SLC24A2: variants seen among roughly 807,000 people sequenced by gnomAD.
SLC24A2 encodes the protein solute carrier family 24 member 2.
In SLC24A2, 36 loss-of-function variants were observed where a neutral mutation model predicts 62.0. That is an observed-to-expected ratio of 0.58 (90% CI 0.44 to 0.77). The LOEUF is 0.77. Ranked by LOEUF, SLC24A2 falls within the 30% of genes least tolerant of loss-of-function variation. The probability of loss-of-function intolerance (pLI) is 0.00; values close to 1 mark genes in which losing one functional copy is unlikely to be tolerated. For missense variants in SLC24A2, 846 were observed against 817.9 expected, an observed-to-expected ratio of 1.03 and a Z score of -0.42; for synonymous variants, 358 against 294.0, an observed-to-expected ratio of 1.22 and a Z score of -2.23.
the SLC24A2 span, among the ~76,000 whole-genome samples, chr9:20,109,061 A>G: frequency 6.6e-6 from 1 of 152,112 alleles, no homozygotes; most frequent in Non-Finnish European, 1.5e-5. Flanking sequence ...TTCAATATTC[A>G]CTACAGTAAC....
At chr9:19,673,144 T>C (rs1819465123) in intron 2 of SLC24A2, among the ~76,000 whole-genome samples, 1 of 146,550 alleles carries the variant, frequency 6.8e-6, no homozygotes, top group Admixed American at 6.7e-5. Flanking sequence ...ATTGAAGTCC[T>C]CCAATATTAA....
intron 2 of SLC24A2, among the ~76,000 whole-genome samples, chr9:19,688,388 G>T (rs556830172): frequency 6.6e-6 from 1 of 152,170 alleles, no homozygotes; most frequent in Non-Finnish European, 1.5e-5. Flanking sequence ...AAATGGTGCC[G>T]ATAGAAAGCT....
the SLC24A2 span, among the ~76,000 whole-genome samples, chr9:19,855,379 T>A: frequency 5.3e-5 from 8 of 152,210 alleles, 1 homozygote; most frequent in African/African-American, 1.9e-4. Context: ...AGTTGCTTCA[T>A]AGTGTCATTG....
the SLC24A2 span, among the ~76,000 whole-genome samples, chr9:20,206,164 C>G: frequency 6.6e-6 from 1 of 152,152 alleles, no homozygotes. Flanking sequence ...TTTTAAGAAA[C>G]TACCACTTGT....
chr9:19,649,233 C>T (rs1818731564), intron 2 of SLC24A2, among the ~76,000 whole-genome samples: 1 of 152,042 alleles, frequency 6.6e-6, no homozygotes, highest in African/African-American at 2.4e-5. Context: ...ACTTTGTACC[C>T]TTGAGATGAC....
intron 2 of SLC24A2, among the ~76,000 whole-genome samples, chr9:19,687,230 C>G (rs189788284): frequency 1.1e-3 from 163 of 152,202 alleles, no homozygotes; most frequent in Non-Finnish European, 1.8e-3. Context: ...ACCCATGACA[C>G]ACAATTTATG....
At chr9:19,542,079 G>C (rs1003496681) in intron 8 of SLC24A2, among the ~76,000 whole-genome samples, 3 of 152,074 alleles carry the variant, frequency 2.0e-5, no homozygotes, top group Non-Finnish European at 1.5e-5. Flanking sequence ...CACGGTGCAC[G>C]CACACACTGG....
At chr9:20,165,342 A>G in the SLC24A2 span, among the ~76,000 whole-genome samples, 5 of 151,874 alleles carry the variant, frequency 3.3e-5, no homozygotes, top group Non-Finnish European at 7.4e-5. Context: ...AAACATATAA[A>G]ATAGCTAGGA....
chr9:19,928,089 G>A, the SLC24A2 span: 1 of 152,304 alleles, frequency 6.6e-6, no homozygotes, highest in East Asian at 1.9e-4. Context: ...TTCATCCTGG[G>A]GTCTCCTAGG....
chr9:20,154,985 G>A, the SLC24A2 span, among the ~76,000 whole-genome samples: 24 of 151,752 alleles, frequency 1.6e-4, no homozygotes, highest in East Asian at 4.1e-3. Flanking sequence ...GAGATTTCCT[G>A]TAAGTTCCTT....
chr9:19,950,221 G>T, the SLC24A2 span, among the ~76,000 whole-genome samples: 1 of 152,088 alleles, frequency 6.6e-6, no homozygotes, highest in African/African-American at 2.4e-5. Context: ...TCCTTATAGG[G>T]TTGTTGTAAG....
At chr9:20,117,545 A>G in the SLC24A2 span, among the ~76,000 whole-genome samples, 1 of 152,132 alleles carries the variant, frequency 6.6e-6, no homozygotes, top group African/African-American at 2.4e-5. Context: ...TCTAATATAA[A>G]TGCTTTTAAA....
chr9:20,077,475 G>A, the SLC24A2 span, among the ~76,000 whole-genome samples: 1 of 152,004 alleles, frequency 6.6e-6, no homozygotes, highest in Non-Finnish European at 1.5e-5. Flanking sequence ...GAATTCCAGA[G>A]GCAGTTGTGT....
chr9:20,266,612 A>T, the SLC24A2 span, among the ~76,000 whole-genome samples: 10 of 152,196 alleles, frequency 6.6e-5, no homozygotes, highest in African/African-American at 2.4e-4. Flanking sequence ...GGACACACAA[A>T]ATTATAAACA....
chr9:20,096,184 A>G, the SLC24A2 span, among the ~76,000 whole-genome samples: 7 of 152,188 alleles, frequency 4.6e-5, no homozygotes, highest in African/African-American at 1.4e-4. Flanking sequence ...TTTTAAGAGT[A>G]TAATAGCATT....
chr9:19,800,734 C>T, the SLC24A2 span, among the ~76,000 whole-genome samples: 39 of 152,038 alleles, frequency 2.6e-4, no homozygotes, highest in Admixed American at 2.6e-3. Flanking sequence ...CCCCTATTAC[C>T]CTATTGTTGT....
the SLC24A2 span, among the ~76,000 whole-genome samples, chr9:20,075,792 GC>G: frequency 6.6e-6 from 1 of 152,078 alleles, no homozygotes; most frequent in Non-Finnish European, 1.5e-5. Context: ...ACCACCACCT[GC>G]CACCCATTTT....
the SLC24A2 span, among the ~76,000 whole-genome samples, chr9:20,166,673 TA>T: frequency 6.6e-6 from 1 of 151,868 alleles, no homozygotes; most frequent in Admixed American, 6.6e-5. Context: ...TTACAAAAGG[TA>T]TGAAAGAACA....
At chr9:19,655,043 A>T (rs1818907036) in intron 2 of SLC24A2, among the ~76,000 whole-genome samples, 1 of 152,248 alleles carries the variant, frequency 6.6e-6, no homozygotes, top group Admixed American at 6.5e-5. Flanking sequence ...TCTTGTAGAC[A>T]GATAATGTAG....
Sources: gnomAD v4.1 joint callset for allele counts (sites outside exome capture counted in the v4.1 genomes callset) on GRCh38, gnomAD v4.1.1 for gene constraint, MANE v1.5 for transcripts, NCBI Gene and HGNC (gene_info 2026-07-23, HGNC 2026-07-21) for gene names.